Variants in PDE10A observed in about 807,000 individuals in gnomAD.
PDE10A encodes the protein phosphodiesterase 10A.
A neutral mutation model predicts 97.7 loss-of-function variants in PDE10A; 39 were observed. The ratio of observed to expected loss-of-function variants is 0.40; its 90% confidence interval spans 0.31 to 0.52. The LOEUF is 0.52. Ranked by LOEUF, PDE10A falls within the 20% of genes least tolerant of loss-of-function variation. The probability of loss-of-function intolerance (pLI) is 0.56; values close to 1 mark genes in which losing one functional copy is unlikely to be tolerated. For missense variants in PDE10A, 731 were observed against 1,047.8 expected (o/e 0.70, Z 4.17); for synonymous variants, 371 against 376.8 (o/e 0.98, Z 0.18).
intron 1 of PDE10A, among the ~76,000 whole-genome samples, chr6:165,795,939 GC>G (rs1247474289): frequency 4.6e-5 from 7 of 152,090 alleles, no homozygotes; most frequent in African/African-American, 1.7e-4. Context: ...GATTAGAACT[GC>G]AGTTATAATA....
chr6:165,789,679 C>T (rs929128814), intron 1 of PDE10A, among the ~76,000 whole-genome samples: 10 of 152,172 alleles, frequency 6.6e-5, no homozygotes, highest in African/African-American at 1.9e-4. Flanking sequence ...AATGAATTCC[C>T]GTGATAACAA....
At chr6:165,545,521 A>G (rs568759201) in intron 1 of PDE10A, among the ~76,000 whole-genome samples, 1 of 152,240 alleles carries the variant, frequency 6.6e-6, no homozygotes, top group African/African-American at 2.4e-5. Flanking sequence ...TTGCCAAATT[A>G]CATGAGATAA....
intron 5 of PDE10A, among the ~76,000 whole-genome samples, chr6:165,447,440 G>A (rs1790937897): frequency 6.6e-6 from 1 of 152,198 alleles, no homozygotes; most frequent in African/African-American, 2.4e-5. Flanking sequence ...CGAGGATAAG[G>A]GGTTGGAGGT....
chr6:165,571,286 T>C (rs527721482), intron 1 of PDE10A, among the ~76,000 whole-genome samples: 56 of 152,326 alleles, frequency 3.7e-4, no homozygotes, highest in African/African-American at 1.3e-3. Context: ...TCATTATTTA[T>C]TTTACTACAT....
chr6:165,845,697 T>C (rs948875925), intron 1 of PDE10A, among the ~76,000 whole-genome samples: 2 of 152,184 alleles, frequency 1.3e-5, no homozygotes, highest in African/African-American at 4.8e-5. Flanking sequence ...ATAAGGAAAA[T>C]ATTAAAGCTA....
chr6:165,552,366 C>T (rs1784059359), intron 1 of PDE10A, among the ~76,000 whole-genome samples: 1 of 152,198 alleles, frequency 6.6e-6, no homozygotes, highest in Admixed American at 6.5e-5. Flanking sequence ...GCATCAAGGA[C>T]TTTGGCTCTG....
chr6:165,904,238 C>T (rs779560996), intron 1 of PDE10A, among the ~76,000 whole-genome samples: 7 of 152,042 alleles, frequency 4.6e-5, no homozygotes, highest in Admixed American at 1.3e-4. Context: ...AGAGAGGGGA[C>T]GGAATCCGAA....
chr6:165,443,988 C>T (rs2128245395), intron 5 of PDE10A, among the ~76,000 whole-genome samples: 1 of 152,350 alleles, frequency 6.6e-6, no homozygotes, highest in South Asian at 2.1e-4. Flanking sequence ...AATTTCTCCA[C>T]AGAAAATCGG....
At chr6:165,663,996 G>C (rs1045729585), upstream of PDE10A, among the ~76,000 whole-genome samples, 1 of 152,224 alleles carries the variant, frequency 6.6e-6, no homozygotes, top group African/African-American at 2.4e-5. Context: ...GTCCGCGTTC[G>C]GGCAGGCACG....
At chr6:165,829,078 C>T (rs1019265383) in intron 1 of PDE10A, among the ~76,000 whole-genome samples, 8 of 152,198 alleles carry the variant, frequency 5.3e-5, no homozygotes, top group Non-Finnish European at 7.3e-5. Flanking sequence ...AGAAAAGGTA[C>T]AGAATGAGAA....
intron 17 of PDE10A, among the ~76,000 whole-genome samples, chr6:165,383,483 C>A (rs1372934111): frequency 6.6e-6 from 1 of 152,100 alleles, no homozygotes; most frequent in African/African-American, 2.4e-5. Context: ...TGCCTTCTTC[C>A]CCTGCTCAGT....
chr6:165,532,835 T>C (rs1286593694), intron 2 of PDE10A, among the ~76,000 whole-genome samples: 1 of 151,988 alleles, frequency 6.6e-6, no homozygotes, highest in Non-Finnish European at 1.5e-5. Flanking sequence ...CAGTCTTGTC[T>C]TTATAAATCT....
chr6:165,721,338 C>G (rs543914340), intron 1 of PDE10A, among the ~76,000 whole-genome samples: 1 of 152,168 alleles, frequency 6.6e-6, no homozygotes, highest in African/African-American at 2.4e-5. Flanking sequence ...TGGTAACGAA[C>G]GATTTCATTG....
intron 1 of PDE10A, among the ~76,000 whole-genome samples, chr6:165,953,887 G>A (rs1272567198): frequency 6.6e-6 from 1 of 152,148 alleles, no homozygotes; most frequent in Non-Finnish European, 1.5e-5. Flanking sequence ...TGGTTGCATT[G>A]TCCTCAAATT....
chr6:165,655,265 G>C lies in PDE10A; in HGVS notation c.865+6682C>G, dbSNP rs887630185. On this transcript the variant is annotated intron_variant, in intron 1 of 21. Coordinates refer to ENST00000539869, the MANE Select transcript of PDE10A (RefSeq NM_001385079.1). The surrounding 1 kb of genome is among the most constrained non-coding windows in gnomAD (Gnocchi z 4.5). ...ACTGCAGTTTCTATGCTGCAGTCTTGAACGATCCTTTGGATCAAATCCTCC... is the reference window on the plus strand; with the variant it reads ...ACTGCAGTTTCTATGCTGCAGTCTTCAACGATCCTTTGGATCAAATCCTCC... Among the ~76,000 whole-genome samples, 3 of 152,124 alleles carry C rather than the reference G, an allele frequency of 2.0e-5. No individual in the cohort carries two copies. The highest frequency in any genetic ancestry group is 4.4e-5 in the Non-Finnish European group (3 of 68,026).
At chr6:165,631,984 T>C (rs940606492) in intron 1 of PDE10A, among the ~76,000 whole-genome samples, 10 of 152,022 alleles carry the variant, frequency 6.6e-5, no homozygotes, top group Admixed American at 5.2e-4. Flanking sequence ...GTGGATCACC[T>C]GAGGTCAGGA....
chr6:165,384,685 T>TG lies in PDE10A; in HGVS notation c.2610+3612_2610+3613insC, dbSNP rs1351062907. Reference sequence around the variant, plus strand: ...GTGTGTGTGTATGGGGGGGGGCGACTAAAGGTTAGCTTTTCAAGTCTATTG... The same window carrying TG: ...GTGTGTGTGTATGGGGGGGGGCGACTGAAAGGTTAGCTTTTCAAGTCTATTG... On this transcript the variant is annotated intron_variant, in intron 17 of 21. Transcript: ENST00000539869. 3.0e-4 allele frequency among the ~76,000 whole-genome samples: 42 copies of TG among 140,088 alleles called. 2 individuals are homozygous for TG. The highest frequency in any genetic ancestry group is 1.1e-3 in the African/African-American group (39 of 36,538). The allele number at this position is 140,088 out of a possible 152,430, so 91.9% of individuals were successfully genotyped here. A position where few individuals can be genotyped will look rare whatever the true frequency, so the allele number is the denominator to read the frequency against.
intron 1 of PDE10A, among the ~76,000 whole-genome samples, chr6:165,759,134 G>GT (rs572059747): frequency 6.6e-6 from 1 of 152,072 alleles, no homozygotes; most frequent in African/African-American, 2.4e-5. Flanking sequence ...ACTTTAAACA[G>GT]TTTTTTTGAG....
At chr6:165,686,806 G>A (rs1037447471) in intron 1 of PDE10A, among the ~76,000 whole-genome samples, 11 of 152,192 alleles carry the variant, frequency 7.2e-5, no homozygotes, top group African/African-American at 2.7e-4. Flanking sequence ...GGCATGAGCG[G>A]CATCACGTGC....
Sources: allele counts gnomAD v4.1 joint callset (sites outside exome capture counted in the v4.1 genomes callset), GRCh38; gene constraint gnomAD v4.1.1; non-coding constraint Gnocchi (gnomAD v3.1); transcripts MANE v1.5; gene names NCBI Gene and HGNC (gene_info 2026-07-23, HGNC 2026-07-21).